The following CNTN5 variants were observed in gnomAD, a reference collection of about 807,000 sequenced individuals.
The protein encoded by CNTN5 is contactin-5.
A neutral mutation model predicts 129.1 loss-of-function variants in CNTN5; 77 were observed. That is an observed-to-expected ratio of 0.60 (90% confidence interval 0.50 to 0.72). The LOEUF (loss-of-function observed/expected upper bound fraction) is 0.72, where lower values mean the gene tolerates loss of function less well. Among genes scored for constraint, CNTN5 ranks in the 30% least tolerant of loss-of-function variants. The pLI, the probability that CNTN5 is intolerant of heterozygous loss-of-function variation, is 0.00. For synonymous variants in CNTN5, 509 were observed against 465.6 expected, an observed-to-expected ratio of 1.09 and a Z score of -1.20; for missense variants, 1,478 against 1,328.8, an observed-to-expected ratio of 1.11 and a Z score of -1.75.
intron 16 of CNTN5, among the ~76,000 whole-genome samples, chr11:100,255,012 C>A (rs944793395): frequency 6.6e-6 from 1 of 152,244 alleles, no homozygotes; most frequent in Middle Eastern, 3.4e-3. Context: ...ATAATTCGTT[C>A]TTAAAGATGA....
At chr11:99,488,718 A>G (rs1200898963) in intron 2 of CNTN5, among the ~76,000 whole-genome samples, 2 of 152,210 alleles carry the variant, frequency 1.3e-5, no homozygotes, top group Admixed American at 1.3e-4. Flanking sequence ...AAGAGAAAAC[A>G]AAATTGATGA....
chr11:99,385,388 A>G (rs1221000477), intron 2 of CNTN5, among the ~76,000 whole-genome samples: 1 of 152,034 alleles, frequency 6.6e-6, no homozygotes, highest in African/African-American at 2.4e-5. Context: ...CTTGAACTGG[A>G]TTGAAATCAC....
intron 8 of CNTN5, among the ~76,000 whole-genome samples, chr11:99,963,257 G>A (rs1449591354): frequency 6.6e-6 from 1 of 152,192 alleles, no homozygotes; most frequent in South Asian, 2.1e-4. Flanking sequence ...GAATGGTATT[G>A]CCTAGGTTTT....
chr11:99,266,284 C>G (rs1452551744), intron 1 of CNTN5, among the ~76,000 whole-genome samples: 1 of 152,092 alleles, frequency 6.6e-6, no homozygotes, highest in Non-Finnish European at 1.5e-5. Flanking sequence ...GATATTATCA[C>G]TAATCTAGAG....
At position 100,300,937 on chromosome 11, in the gene CNTN5, TCAGAG is replaced by T. The variant is rs1951204334; in HGVS notation, c.2620+1542_2620+1546del. 5.3e-5 allele frequency among the ~76,000 whole-genome samples: 8 copies of T among 151,690 alleles called. No individual in the cohort carries two copies. In the South Asian group the frequency reaches 1.7e-3, roughly 31 times the overall value. On this transcript the variant is annotated intron_variant, in intron 20 of 24. Transcript: ENST00000524871. ...AATCTACATTTCAGGAAACTGAGTC[TCAGAG>T]AGGTTAAGTAACATGCTCAAATTCA...
At chr11:99,315,656 A>G (rs1319223488) in intron 1 of CNTN5, among the ~76,000 whole-genome samples, 1 of 149,668 alleles carries the variant, frequency 6.7e-6, no homozygotes, top group Admixed American at 6.6e-5. Context: ...TAATATTAAA[A>G]AGGTAAAAAT....
chr11:99,416,330 G>C (rs754236704), intron 2 of CNTN5, among the ~76,000 whole-genome samples: 6 of 152,070 alleles, frequency 3.9e-5, no homozygotes, highest in Non-Finnish European at 7.4e-5. Context: ...CAGGCTGACT[G>C]AGTACAGTGG....
chr11:99,322,161 A>C (rs1312302011), intron 1 of CNTN5, among the ~76,000 whole-genome samples: 2 of 152,120 alleles, frequency 1.3e-5, no homozygotes, highest in Non-Finnish European at 2.9e-5. Context: ...TGGAGGCTAG[A>C]AGTTCAATAT....
At chr11:99,447,709 G>A (rs1313674493) in intron 2 of CNTN5, among the ~76,000 whole-genome samples, 1 of 152,106 alleles carries the variant, frequency 6.6e-6, no homozygotes, top group Non-Finnish European at 1.5e-5. Context: ...GGCAGATCAC[G>A]AGGTCAGGAG....
chr11:100,267,280 C>CACAG (rs371454644), intron 17 of CNTN5, among the ~76,000 whole-genome samples: 4 of 148,474 alleles, frequency 2.7e-5, no homozygotes, highest in East Asian at 2.1e-4. Context: ...CACACACACA[C>CACAG]AGAGAGAGAG....
At chr11:99,409,652 A>G (rs935385298) in intron 2 of CNTN5, among the ~76,000 whole-genome samples, 3 of 152,190 alleles carry the variant, frequency 2.0e-5, no homozygotes, top group East Asian at 1.9e-4. Flanking sequence ...AATATGCAAG[A>G]CTGGGTAAAA....
intron 2 of CNTN5, among the ~76,000 whole-genome samples, chr11:99,543,755 T>C (rs1475479091): frequency 1.3e-5 from 2 of 151,940 alleles, no homozygotes; most frequent in African/African-American, 4.8e-5. Context: ...CCATCTCTAC[T>C]GAAACTACAA....
rs368479723 is a variant in CNTN5, at chr11:99,177,431, C to T, written c.-209-147915C>T. ...ATGAGTTAACCAATGAGACATTTAA[C>T]GAAATAGGGCTATTGCTATCACATC... On this transcript the variant is annotated intron_variant, in intron 1 of 24. Transcript: ENST00000524871. Among the ~76,000 whole-genome samples, 178 of 152,162 alleles carry T rather than the reference C, an allele frequency of 1.2e-3. 5 individuals carry two copies. In the South Asian group the frequency reaches 0.036, roughly 31 times the overall value.
chr11:99,804,024 TTTTG>T (rs1345973015), intron 3 of CNTN5, among the ~76,000 whole-genome samples: 15 of 152,294 alleles, frequency 9.8e-5, no homozygotes, highest in African/African-American at 2.9e-4. Context: ...TTAAAGTCTT[TTTTG>T]TTTGTTTGTT....
chr11:99,870,025 C>T (rs547075834), intron 6 of CNTN5, among the ~76,000 whole-genome samples: 1 of 152,210 alleles, frequency 6.6e-6, no homozygotes, highest in South Asian at 2.1e-4. Context: ...TTAAAAGGCA[C>T]CACTCTCAGT....
intron 1 of CNTN5, among the ~76,000 whole-genome samples, chr11:99,049,275 CTT>C (rs1864331751): frequency 1.3e-5 from 2 of 152,134 alleles, no homozygotes; most frequent in Admixed American, 6.6e-5. Flanking sequence ...TAGCAATTGA[CTT>C]AACTTCATTT....
intron 2 of CNTN5, among the ~76,000 whole-genome samples, chr11:99,350,856 A>T (rs1457198102): frequency 6.6e-6 from 1 of 152,042 alleles, no homozygotes; most frequent in Non-Finnish European, 1.5e-5. Flanking sequence ...CTGTAGTGGG[A>T]ACTAAAGTGC....
At chr11:99,722,161 T>C (rs1943194240) in intron 3 of CNTN5, among the ~76,000 whole-genome samples, 1 of 152,060 alleles carries the variant, frequency 6.6e-6, no homozygotes, top group African/African-American at 2.4e-5. Context: ...AAATCATTAA[T>C]CCATAAAGAT....
intron 8 of CNTN5, among the ~76,000 whole-genome samples, chr11:99,981,970 AGT>A (rs1938377735): frequency 6.6e-6 from 1 of 152,222 alleles, no homozygotes; most frequent in Non-Finnish European, 1.5e-5. Context: ...AGATAGGAAA[AGT>A]GTAAATAGTA....
Sources: gnomAD v4.1 joint callset for allele counts (sites outside exome capture counted in the v4.1 genomes callset) on GRCh38, gnomAD v4.1.1 for gene constraint, MANE v1.5 for transcripts, NCBI Gene and HGNC (gene_info 2026-07-23, HGNC 2026-07-21) for gene names.